Variants in NAV2 observed in about 807,000 individuals in gnomAD.
NAV2 encodes the protein helicase, APC down-regulated 1.
Under a neutral mutation model 223.2 loss-of-function variants are expected in NAV2, and 54 were observed. That is an observed-to-expected ratio of 0.24 (90% confidence interval 0.19 to 0.30). NAV2 has a LOEUF of 0.30. Ranked by LOEUF, NAV2 falls within the 10% of genes least tolerant of loss-of-function variation. The pLI is 1.00. For synonymous variants in NAV2, 1,279 were observed against 1,239.3 expected, an observed-to-expected ratio of 1.03 and a Z score of -0.67; for missense variants, 2,806 against 3,147.5, an observed-to-expected ratio of 0.89 and a Z score of 2.60.
chr11:20,120,720 C>T lies in NAV2; in HGVS notation c.*2462C>T, dbSNP rs1207669232. ...CTGCCTGATTGGTGAACATTGACTTCAAGTAGCATAGCCCTTGTGTGACTC... is the reference window on the plus strand; with the variant it reads ...CTGCCTGATTGGTGAACATTGACTTTAAGTAGCATAGCCCTTGTGTGACTC... On this transcript the variant is annotated 3_prime_UTR_variant, in exon 38 of 38. Transcript: ENST00000349880. 6.6e-6 allele frequency: 1 copy of T among 152,478 alleles called. No individual in the cohort carries two copies. Among genetic ancestry groups the T allele is most frequent in the Non-Finnish European group, 1.5e-5 (1 of 68,042 alleles). 9.4% of individuals were successfully genotyped at this position (152,478 alleles called of 1,614,324 possible).
intron 1 of NAV2, among the ~76,000 whole-genome samples, chr11:19,589,873 G>A (rs1009826503): frequency 1.3e-5 from 2 of 152,214 alleles, no homozygotes; most frequent in African/African-American, 4.8e-5. Context: ...GAGGGAAGGG[G>A]AATGTCAGGA....
At chr11:19,708,307 C>A (rs747221587), upstream of NAV2, among the ~76,000 whole-genome samples, 1 of 152,134 alleles carries the variant, frequency 6.6e-6, no homozygotes, top group Non-Finnish European at 1.5e-5. Flanking sequence ...GTTGCCAACC[C>A]ATTTGTAGAA....
At chr11:20,006,116 T>C (rs2053046238) in intron 11 of NAV2, among the ~76,000 whole-genome samples, 1 of 152,114 alleles carries the variant, frequency 6.6e-6, no homozygotes, top group Non-Finnish European at 1.5e-5. Flanking sequence ...TCCCCGACAT[T>C]ACAGAAGGGG....
At chr11:19,514,659 G>A (rs1167349445) in intron 1 of NAV2, among the ~76,000 whole-genome samples, 1 of 152,140 alleles carries the variant, frequency 6.6e-6, no homozygotes, top group Non-Finnish European at 1.5e-5. Context: ...GCTCACAAAG[G>A]AGAGAATTCT....
At chr11:19,514,880 GT>G (rs1162612868) in intron 1 of NAV2, among the ~76,000 whole-genome samples, 1 of 152,200 alleles carries the variant, frequency 6.6e-6, no homozygotes, top group African/African-American at 2.4e-5. Flanking sequence ...ATGAGGAGGA[GT>G]TTTTGGGGCC....
chr11:20,054,876 A>C (rs2058268600), intron 18 of NAV2, among the ~76,000 whole-genome samples: 1 of 152,234 alleles, frequency 6.6e-6, no homozygotes, highest in African/African-American at 2.4e-5. Context: ...TATATAATAG[A>C]GTAAAAGAGA....
intron 29 of NAV2, 71 bp from the exon 30 acceptor site, chr11:20,095,601 T>C: frequency 9.2e-7 from 1 of 1,082,652 alleles, no homozygotes; most frequent in Non-Finnish European, 1.4e-6. Context: ...TAAGGCAACC[T>C]GAGTCCTCTG....
At chr11:19,598,454 C>A (rs2046268335) in intron 1 of NAV2, among the ~76,000 whole-genome samples, 1 of 152,134 alleles carries the variant, frequency 6.6e-6, no homozygotes, top group Non-Finnish European at 1.5e-5. Context: ...AACTTTTATC[C>A]TATTGTACCT....
intron 1 of NAV2, among the ~76,000 whole-genome samples, chr11:19,387,478 C>G (rs765114818): frequency 1.3e-4 from 20 of 152,262 alleles, no homozygotes; most frequent in Non-Finnish European, 2.6e-4. Context: ...GATGCTGAGT[C>G]TCACCACCCA....
At chr11:19,719,645 C>A (rs566917306) in intron 1 of NAV2, among the ~76,000 whole-genome samples, 1 of 152,312 alleles carries the variant, frequency 6.6e-6, no homozygotes, top group South Asian at 2.1e-4. Flanking sequence ...TCCAAGCTCA[C>A]GTTCTTTCCA....
At chr11:19,414,892 A>G (rs1252167295) in intron 1 of NAV2, among the ~76,000 whole-genome samples, 1 of 152,220 alleles carries the variant, frequency 6.6e-6, no homozygotes, top group Non-Finnish European at 1.5e-5. Flanking sequence ...GTTATTTGAA[A>G]CCAGTGAGAA....
chr11:19,577,341 C>T lies in NAV2; in HGVS notation c.75+226314C>T, dbSNP rs372690352. Among the ~76,000 whole-genome samples, 44 of 152,332 alleles carry T rather than the reference C, an allele frequency of 2.9e-4. No homozygotes were observed. In the East Asian group the frequency reaches 5.2e-3, roughly 18 times the overall value. On this transcript the variant is annotated intron_variant, in intron 1 of 37. Transcript: ENST00000360655. The stretch of plus-strand genomic sequence containing the variant: ...TACCTGTCCTCAGATACCCACCTGG[C>T]GAAGGAACCTGTTGGCTCGTGCCCC...
intron 30 of NAV2, among the ~76,000 whole-genome samples, 200 bp from the exon 31 acceptor site, chr11:20,097,377 C>G (rs1297709971): frequency 1.1e-4 from 17 of 151,992 alleles, no homozygotes. Context: ...CCAAATAAAT[C>G]TGTATTTTAA....
chr11:19,720,122 C>G (rs1222755334), intron 1 of NAV2, among the ~76,000 whole-genome samples: 2 of 152,206 alleles, frequency 1.3e-5, no homozygotes, highest in East Asian at 3.8e-4. Context: ...ATTAAGGTGC[C>G]CCAAGGCATG....
At chr11:19,627,596 T>C (rs1257277348) in intron 1 of NAV2, among the ~76,000 whole-genome samples, 1 of 152,096 alleles carries the variant, frequency 6.6e-6, no homozygotes, top group African/African-American at 2.4e-5. Context: ...AAGTGAGACC[T>C]TTACCAAATT....
chr11:19,729,979 C>T (rs1471624478), intron 1 of NAV2, among the ~76,000 whole-genome samples: 2 of 152,196 alleles, frequency 1.3e-5, no homozygotes, highest in Admixed American at 1.3e-4. Flanking sequence ...AATCTAGCCT[C>T]CACCTTAGGA....
At chr11:19,395,780 TC>T (rs1371671475) in intron 1 of NAV2, among the ~76,000 whole-genome samples, 1 of 152,194 alleles carries the variant, frequency 6.6e-6, no homozygotes, top group Non-Finnish European at 1.5e-5. Context: ...TGATCCTCTT[TC>T]CCCCTCTCCT....
At chr11:19,672,008 C>A (rs1380947641) in intron 1 of NAV2, among the ~76,000 whole-genome samples, 1 of 152,156 alleles carries the variant, frequency 6.6e-6, no homozygotes, top group Non-Finnish European at 1.5e-5. Context: ...TGGGTGCCAC[C>A]AAGCGCTGTG....
At chr11:19,887,579 TAA>T (rs745361106) in intron 5 of NAV2, among the ~76,000 whole-genome samples, 5 of 152,252 alleles carry the variant, frequency 3.3e-5, no homozygotes, top group South Asian at 2.1e-4. Context: ...TATAAATTAA[TAA>T]AGTCTTTCCT....
Sources: gnomAD v4.1 joint callset for allele counts (sites outside exome capture counted in the v4.1 genomes callset) on GRCh38, gnomAD v4.1.1 for gene constraint, MANE v1.5 for transcripts, NCBI Gene and HGNC (gene_info 2026-07-23, HGNC 2026-07-21) for gene names.